TRPS1: variants seen among roughly 807,000 people sequenced by gnomAD.
TRPS1 encodes transcriptional repressor GATA binding 1.
In TRPS1, 6 loss-of-function variants were observed where a neutral mutation model predicts 101.2. The ratio of observed to expected loss-of-function variants is 0.06; its 90% CI spans 0.03 to 0.12. TRPS1 has a LOEUF of 0.12. Among genes scored for constraint, TRPS1 ranks in the 10% least tolerant of loss-of-function variants. The pLI is 1.00. For synonymous variants in TRPS1, 578 were observed against 589.8 expected (o/e 0.98, Z 0.29); for missense variants, 1,363 against 1,567.0 (o/e 0.87, Z 2.20).
At chr8:115,632,455 G>A (rs547558036) in intron 1 of TRPS1, among the ~76,000 whole-genome samples, 2 of 152,058 alleles carry the variant, frequency 1.3e-5, no homozygotes, top group East Asian at 3.9e-4. Flanking sequence ...AAAACCAGAA[G>A]TTTAATTTTA....
intron 1 of TRPS1, among the ~76,000 whole-genome samples, chr8:115,658,638 C>T (rs1811729086): frequency 6.6e-6 from 1 of 152,084 alleles, no homozygotes; most frequent in African/African-American, 2.4e-5. Context: ...CTGAATCGTT[C>T]AGGAAGTGAG....
At chr8:115,442,974 T>C (rs1026415524) in intron 5 of TRPS1, among the ~76,000 whole-genome samples, 1 of 151,960 alleles carries the variant, frequency 6.6e-6, no homozygotes, top group African/African-American at 2.4e-5. Context: ...CGGGCGCCTG[T>C]AGTCCCAGCT....
intron 5 of TRPS1, among the ~76,000 whole-genome samples, chr8:115,572,474 T>C (rs575595560): frequency 6.6e-6 from 1 of 152,260 alleles, no homozygotes; most frequent in East Asian, 1.9e-4. Context: ...ATTGTTGTTG[T>C]TTTTTCTCAC....
intron 1 of TRPS1, among the ~76,000 whole-genome samples, chr8:115,644,126 A>G (rs1818962008): frequency 6.6e-6 from 1 of 152,202 alleles, no homozygotes; most frequent in Non-Finnish European, 1.5e-5. Flanking sequence ...TAGATTTAGC[A>G]TAATTATTAA....
chr8:115,450,420 G>A (rs1307937582), intron 5 of TRPS1, among the ~76,000 whole-genome samples: 1 of 151,982 alleles, frequency 6.6e-6, no homozygotes, highest in Non-Finnish European at 1.5e-5. Flanking sequence ...ACTTTCAAAT[G>A]CCTTACATTC....
At chr8:115,455,759 C>T in intron 5 of TRPS1, among the ~76,000 whole-genome samples, 2 of 137,444 alleles carry the variant, frequency 1.5e-5, no homozygotes, top group Admixed American at 7.2e-5. Context: ...TTTTCTTTTT[C>T]TTTCTTTCTT....
chr8:115,458,615 C>A (rs963689676), intron 5 of TRPS1, among the ~76,000 whole-genome samples: 1 of 152,062 alleles, frequency 6.6e-6, no homozygotes, highest in South Asian at 2.1e-4. Context: ...GAAAATCAAG[C>A]AGATGTGACT....
intron 5 of TRPS1, among the ~76,000 whole-genome samples, chr8:115,471,574 C>CA (rs1459354193): frequency 3.9e-5 from 6 of 152,244 alleles, no homozygotes; most frequent in Admixed American, 3.3e-4. Context: ...CCTCACATTT[C>CA]AAAACACAAT....
rs1554616934 is a variant in TRPS1, at chr8:115,414,746, A to G, written c.3162T>C (p.Ser1054=). The G allele has an allele frequency of 6.2e-7, 1 of 1,613,998 alleles. No individual in the cohort carries two copies. ...RMQPLHIQIK[S]PQESTGDPGN... Reference sequence around the variant, plus strand: ...CTGGATCTCCAGTACTTTCCTGAGGACTTTTTATCTGAATGTGCAAAGGTT... The same window carrying G: ...CTGGATCTCCAGTACTTTCCTGAGGGCTTTTTATCTGAATGTGCAAAGGTT... The change falls in exon 7 of 7, where the codon AGT becomes AGC. Residue 1054 remains serine (S), a synonymous_variant. Coordinates refer to ENST00000395715, the MANE Select transcript of TRPS1 (RefSeq NM_014112.5). This position sits in a 1 kb window ranked among gnomAD's most constrained non-coding sequence, Gnocchi z 4.8.
At chr8:115,521,972 G>C (rs139321554) in intron 5 of TRPS1, among the ~76,000 whole-genome samples, 1 of 151,896 alleles carries the variant, frequency 6.6e-6, no homozygotes, top group African/African-American at 2.4e-5. Flanking sequence ...TATTATAAAC[G>C]TTTACTGCTA....
At chr8:115,419,339 A>C (rs895608417) in intron 5 of TRPS1, among the ~76,000 whole-genome samples, 21 of 152,056 alleles carry the variant, frequency 1.4e-4, no homozygotes, top group African/African-American at 5.1e-4. Flanking sequence ...TGTAGGCACA[A>C]ATACTAACAG....
chr8:115,523,851 A>C (rs1266189394), intron 5 of TRPS1, among the ~76,000 whole-genome samples: 1 of 152,178 alleles, frequency 6.6e-6, no homozygotes, highest in Non-Finnish European at 1.5e-5. Context: ...AATTGTAAAA[A>C]ATTCCTGGCC....
intron 5 of TRPS1, among the ~76,000 whole-genome samples, chr8:115,468,800 T>C (rs1313170201): frequency 6.6e-6 from 1 of 152,060 alleles, no homozygotes; most frequent in African/African-American, 2.4e-5. Context: ...ATAATACATT[T>C]TGAAAAAGGG....
At chr8:115,630,720 T>C (rs1315099519) in intron 1 of TRPS1, among the ~76,000 whole-genome samples, 2 of 152,012 alleles carry the variant, frequency 1.3e-5, no homozygotes, top group African/African-American at 4.8e-5. Flanking sequence ...GAACAATCCT[T>C]TAAGTACTAT....
chr8:115,649,023 G>C (rs1291462181), intron 1 of TRPS1, among the ~76,000 whole-genome samples: 1 of 152,162 alleles, frequency 6.6e-6, no homozygotes, highest in Non-Finnish European at 1.5e-5. Context: ...CCTTCCAAGA[G>C]GGTGCTGATC....
chr8:115,595,585 CACT>C (rs1457295100), intron 4 of TRPS1, among the ~76,000 whole-genome samples: 1 of 151,834 alleles, frequency 6.6e-6, no homozygotes, highest in East Asian at 1.9e-4. Flanking sequence ...GTAGAAAAAA[CACT>C]ACTAACACCA....
chr8:115,571,362 T>C (rs1437937169), intron 5 of TRPS1, among the ~76,000 whole-genome samples: 3 of 152,180 alleles, frequency 2.0e-5, no homozygotes, highest in African/African-American at 7.2e-5. Flanking sequence ...TAACAAAACT[T>C]TTAATAAGCA....
chr8:115,534,028 A>C (rs1436357983), intron 5 of TRPS1, among the ~76,000 whole-genome samples: 1 of 152,180 alleles, frequency 6.6e-6, no homozygotes, highest in Non-Finnish European at 1.5e-5. Flanking sequence ...ATCACACTGG[A>C]GATTGAAGCT....
At chr8:115,551,523 A>G (rs1169230602) in intron 5 of TRPS1, among the ~76,000 whole-genome samples, 2 of 152,238 alleles carry the variant, frequency 1.3e-5, no homozygotes, top group Non-Finnish European at 2.9e-5. Context: ...TGACAAATGT[A>G]TGCCACTAAA....
Sources: allele counts gnomAD v4.1 joint callset (sites outside exome capture counted in the v4.1 genomes callset), GRCh38; gene constraint gnomAD v4.1.1; non-coding constraint Gnocchi (gnomAD v3.1); transcripts MANE v1.5; gene names NCBI Gene and HGNC (gene_info 2026-07-23, HGNC 2026-07-21).